Variants in KLHL13 observed in about 807,000 individuals in gnomAD.
The protein encoded by KLHL13 is kelch like family member 13, also known as kelch-like protein 13.
Under a neutral mutation model 37.1 loss-of-function variants are expected in KLHL13, and 10 were observed. That is an observed-to-expected ratio of 0.27 (90% CI 0.17 to 0.46). KLHL13 has a LOEUF of 0.46. Among genes scored for constraint, KLHL13 ranks in the 20% least tolerant of loss-of-function variants. The probability of loss-of-function intolerance (pLI) is 1.00; values close to 1 mark genes in which losing one functional copy is unlikely to be tolerated. For missense variants in KLHL13, 360 were observed against 509.3 expected (o/e 0.71, Z 2.82); for synonymous variants, 163 against 181.2 (o/e 0.90, Z 0.81).
chrX:118,031,207 T>C (rs1394802247), intron 1 of KLHL13, among the ~76,000 whole-genome samples: 1 of 109,884 alleles, frequency 9.1e-6, no homozygotes, highest in African/African-American at 3.3e-5. Flanking sequence ...CAGAAGTTCA[T>C]GTAGAAGGAG....
intron 1 of KLHL13, among the ~76,000 whole-genome samples, chrX:117,980,524 T>C (rs908758517): frequency 8.9e-6 from 1 of 111,751 alleles, no homozygotes; most frequent in Admixed American, 9.5e-5. Context: ...GATCACCTGG[T>C]TATCCAATCT....
At chrX:118,034,918 C>T (rs1341135549) in intron 1 of KLHL13, among the ~76,000 whole-genome samples, 5 of 87,186 alleles carry the variant, frequency 5.7e-5, no homozygotes, top group East Asian at 6.5e-4. Context: ...ATATCACCAC[C>T]GATCCCACAG....
At chrX:118,098,766 T>A (rs1485053172) in intron 1 of KLHL13, among the ~76,000 whole-genome samples, 1 of 105,851 alleles carries the variant, frequency 9.4e-6, no homozygotes, top group African/African-American at 3.5e-5. Context: ...TGAGTTCACG[T>A]CCTTTGTAGG....
At position 118,089,618 on chromosome X, in the gene KLHL13, A is replaced by AAGAG. The variant is rs778374748; in HGVS notation, c.-56+26886_-56+26889dup. 8.1e-5 allele frequency among the ~76,000 whole-genome samples: 4 copies of AAGAG among 49,439 alleles called. No individual in the cohort carries two copies. In the East Asian group the frequency reaches 3.0e-3, roughly 37 times the overall value. 42.9% of individuals were successfully genotyped at this position (49,439 alleles called of 115,157 possible). On this transcript the variant is annotated intron_variant, in intron 1 of 6. Transcript: ENST00000371882. ...AGAGAGAGAGAGAGAGAGAGAAAGA[A>AAGAG]AGAGAAAGAAAGAAAGAAAGAAAGA...
intron 1 of KLHL13, among the ~76,000 whole-genome samples, chrX:118,021,829 G>T (rs2054219209): frequency 1.8e-5 from 2 of 111,633 alleles, no homozygotes; most frequent in African/African-American, 6.5e-5. Flanking sequence ...TTCCACAATG[G>T]TTGAACTAGT....
upstream of KLHL13, chrX:117,973,821 C>G (rs1223435283): frequency 3.0e-5 from 17 of 574,845 alleles, no homozygotes; most frequent in Non-Finnish European, 3.3e-5. Flanking sequence ...TGTTCACCAC[C>G]CCCCCCACTC....
chrX:118,098,221 A>G (rs1027025851), intron 1 of KLHL13, among the ~76,000 whole-genome samples: 1 of 111,937 alleles, frequency 8.9e-6, no homozygotes, highest in African/African-American at 3.2e-5. Flanking sequence ...ATGAACTCAA[A>G]AAATTTACAG....
At chrX:118,109,103 A>T (rs2055378665) in intron 1 of KLHL13, among the ~76,000 whole-genome samples, 1 of 112,224 alleles carries the variant, frequency 8.9e-6, no homozygotes, top group Admixed American at 9.4e-5. Flanking sequence ...GGAGTGAGCC[A>T]CTGCGTCAGG....
At chrX:118,003,483 G>C (rs1398804603) in intron 1 of KLHL13, among the ~76,000 whole-genome samples, 1 of 111,941 alleles carries the variant, frequency 8.9e-6, no homozygotes, top group Non-Finnish European at 1.9e-5. Context: ...TGAGAAAGCA[G>C]TAGTGTTTCT....
intron 1 of KLHL13, among the ~76,000 whole-genome samples, chrX:118,018,831 A>C (rs1602654844): frequency 1.8e-5 from 2 of 111,528 alleles, no homozygotes; most frequent in East Asian, 2.8e-4. Context: ...ATTTTTATTT[A>C]TATCCAACTA....
chrX:118,015,619 C>T (rs1029402038), intron 1 of KLHL13, among the ~76,000 whole-genome samples: 9 of 111,275 alleles, frequency 8.1e-5, no homozygotes, highest in Non-Finnish European at 1.3e-4. Context: ...AACAGATATA[C>T]TTTCTATGAC....
chrX:117,976,676 A>G (rs1249837924), upstream of KLHL13, among the ~76,000 whole-genome samples: 1 of 112,505 alleles, frequency 8.9e-6, no homozygotes, highest in Admixed American at 9.4e-5. Context: ...TTTTGATTAC[A>G]GAACACTTGG....
intron 1 of KLHL13, among the ~76,000 whole-genome samples, chrX:118,034,251 T>C (rs1321824024): frequency 9.5e-6 from 1 of 105,358 alleles, no homozygotes; most frequent in Non-Finnish European, 1.9e-5. Context: ...CTAATAGACA[T>C]CTACAGAACT....
intron 1 of KLHL13, among the ~76,000 whole-genome samples, chrX:118,107,276 T>G (rs924049218): frequency 8.9e-5 from 10 of 112,209 alleles, no homozygotes; most frequent in Non-Finnish European, 3.8e-5. Flanking sequence ...GGAATCAATG[T>G]GATGCCATAT....
At chrX:117,995,601 T>C (rs1219162273) in intron 1 of KLHL13, among the ~76,000 whole-genome samples, 1 of 111,287 alleles carries the variant, frequency 9.0e-6, no homozygotes, top group Non-Finnish European at 1.9e-5. Flanking sequence ...TATCTTGTTG[T>C]GAAACATTTT....
chrX:118,096,026 A>G (rs2055201919), intron 1 of KLHL13, among the ~76,000 whole-genome samples: 1 of 112,214 alleles, frequency 8.9e-6, no homozygotes, highest in South Asian at 3.7e-4. Context: ...GAACTAGAAA[A>G]GCAAGAGCAA....
intron 6 of KLHL13, among the ~76,000 whole-genome samples, chrX:117,901,144 T>A (rs1432602729): frequency 8.9e-6 from 1 of 111,806 alleles, no homozygotes; most frequent in Non-Finnish European, 1.9e-5. Flanking sequence ...TTATGGACTA[T>A]ACTGAAAGAG....
chrX:117,937,636 G>A (rs1932813039), intron 2 of KLHL13, among the ~76,000 whole-genome samples: 1 of 111,703 alleles, frequency 9.0e-6, no homozygotes. Context: ...CATACCATTT[G>A]CTATGCATTC....
intron 2 of KLHL13, among the ~76,000 whole-genome samples, chrX:117,936,916 G>A (rs1340337633): frequency 8.9e-6 from 1 of 112,024 alleles, no homozygotes; most frequent in African/African-American, 3.2e-5. Flanking sequence ...CTGGGCCAGA[G>A]AGTATAAATG....
Sources: gnomAD v4.1 joint callset for allele counts (sites outside exome capture counted in the v4.1 genomes callset) on GRCh38, gnomAD v4.1.1 for gene constraint, MANE v1.5 for transcripts, NCBI Gene and HGNC (gene_info 2026-07-23, HGNC 2026-07-21) for gene names.